The following ZFHX4 variants were observed in gnomAD, a reference collection of about 807,000 sequenced individuals.
ZFHX4 encodes zinc finger homeobox 4, also known as zinc finger homeobox protein 4.
Under a neutral mutation model 267.6 loss-of-function variants are expected in ZFHX4, and 56 were observed. The observed-to-expected ratio is 0.21, with a 90% confidence interval of 0.17 to 0.26. The LOEUF (loss-of-function observed/expected upper bound fraction) is 0.26. Among genes scored for constraint, ZFHX4 ranks in the 10% least tolerant of loss-of-function variants. The pLI is 1.00. For synonymous variants in ZFHX4, 1,778 were observed against 1,665.6 expected (o/e 1.07, Z -1.64); for missense variants, 4,332 against 4,420.0 (o/e 0.98, Z 0.56).
rs773060721 is a variant in ZFHX4 at position 76,851,195 on chromosome 8, C to G, written c.4274C>G (p.Thr1425Arg). 1.9e-6 allele frequency: 3 copies of G among 1,613,796 alleles called. No homozygotes were observed. Among genetic ancestry groups the G allele is most frequent in the Admixed American group, 3.3e-5 (2 of 59,994 alleles). Reference sequence around the variant, plus strand: ...CAGTATCATGCAATTCGGGCTGCGACAATGTGTAACCTCTGCCAGCGCAGT... The same window carrying G: ...CAGTATCATGCAATTCGGGCTGCGAGAATGTGTAACCTCTGCCAGCGCAGT... ...HSQYHAIRAA[T>R]MCNLCQRSFR... Residue 1425 changes from threonine (T) to arginine (R), a missense_variant, in exon 10 of 11, where the codon ACA (threonine) becomes AGA (arginine). By Grantham distance (71) the Thr-to-Arg change is moderately conservative. Coordinates refer to ENST00000651372, the MANE Select transcript of ZFHX4 (RefSeq NM_024721.5).
intron 3 of ZFHX4, among the ~76,000 whole-genome samples, chr8:76,725,279 T>C (rs1423806881): frequency 1.3e-5 from 2 of 152,148 alleles, no homozygotes; most frequent in Non-Finnish European, 2.9e-5. Flanking sequence ...CTGGAAAAGT[T>C]ATCGTATTTA....
intron 4 of ZFHX4, among the ~76,000 whole-genome samples, chr8:76,822,460 T>G (rs1811676839): frequency 6.8e-6 from 1 of 147,840 alleles, no homozygotes; most frequent in African/African-American, 2.5e-5. Context: ...CTCTTTTTTT[T>G]TTTTTTTTTT....
rs192915346 is a variant in ZFHX4, at chr8:76,794,925, T to G, written c.3325+16486T>G. Among the ~76,000 whole-genome samples the G allele has an allele frequency of 5.3e-5, 8 of 151,268 alleles. No homozygotes were observed. In the East Asian group the frequency reaches 1.6e-3, roughly 30 times the overall value. ...TGTGTGTGTGTGGACAAATCAAGCCTCTTCTCAGTTGAAGTCCATCTCAGT... is the reference window on the plus strand; with the variant it reads ...TGTGTGTGTGTGGACAAATCAAGCCGCTTCTCAGTTGAAGTCCATCTCAGT... On this transcript the variant is annotated intron_variant, in intron 4 of 10. Coordinates refer to ENST00000651372, the MANE Select transcript of ZFHX4 (RefSeq NM_024721.5).
In ZFHX4 at chr8:76,851,657, C is replaced by T. The variant is rs1812526040; in HGVS notation, c.4736C>T (p.Pro1579Leu). 6.2e-7 allele frequency: 1 copy of T among 1,613,886 alleles called. No homozygotes were observed. The highest frequency in any genetic ancestry group is 8.5e-7 in the Non-Finnish European group (1 of 1,179,848). Residue 1579 changes from proline (P) to leucine (L), a missense_variant, in exon 10 of 11, where the codon CCT becomes CTT. Pro to Leu is a moderately conservative substitution (Grantham distance 98). Coordinates refer to ENST00000651372, the MANE Select transcript of ZFHX4 (RefSeq NM_024721.5). ...AAAGTTTTGCAGGAAGCCTCCAGTCCTGTCCCACAAGAAACCAACAGCAAC... is the reference window on the plus strand; with the variant it reads ...AAAGTTTTGCAGGAAGCCTCCAGTCTTGTCCCACAAGAAACCAACAGCAAC... ...LKKVLQEASS[P>L]VPQETNSNTD...
At chr8:76,779,012 A>C (rs1183924433) in intron 4 of ZFHX4, among the ~76,000 whole-genome samples, 2 of 152,194 alleles carry the variant, frequency 1.3e-5, no homozygotes, top group Non-Finnish European at 2.9e-5. Flanking sequence ...CACGTTTTGA[A>C]TGGCATTCCA....
At chr8:76,832,570 C>T (rs1811964218) in intron 4 of ZFHX4, among the ~76,000 whole-genome samples, 3 of 152,044 alleles carry the variant, frequency 2.0e-5, no homozygotes, top group Admixed American at 2.0e-4. Context: ...GAGAAGAAGA[C>T]AGAGGGAATA....
intron 4 of ZFHX4, among the ~76,000 whole-genome samples, chr8:76,793,920 A>C (rs760945801): frequency 2.6e-5 from 4 of 152,140 alleles, no homozygotes; most frequent in Admixed American, 6.5e-5. Context: ...AGCTCTTTAA[A>C]AGTCAGTGTT....
At chr8:76,817,982 TG>T (rs1358543216) in intron 4 of ZFHX4, among the ~76,000 whole-genome samples, 1 of 152,180 alleles carries the variant, frequency 6.6e-6, no homozygotes, top group East Asian at 1.9e-4. Flanking sequence ...GCATTTGGCC[TG>T]GGGCTGTGAG....
intron 3 of ZFHX4, among the ~76,000 whole-genome samples, chr8:76,770,578 C>T (rs762966522): frequency 4.6e-5 from 7 of 152,096 alleles, no homozygotes; most frequent in Non-Finnish European, 8.8e-5. Flanking sequence ...AGTCCATGCA[C>T]TCAGGAAGCC....
At chr8:76,685,183 T>C (rs753788749) in intron 1 of ZFHX4, among the ~76,000 whole-genome samples, 1 of 152,224 alleles carries the variant, frequency 6.6e-6, no homozygotes, top group Non-Finnish European at 1.5e-5. Flanking sequence ...GATTCAGACA[T>C]GTTCAGCAGT....
Position 76,717,642 on chromosome 8 carries a change from G to C in ZFHX4, c.3093+9594G>C, listed in dbSNP as rs1321504264. Among the ~76,000 whole-genome samples the C allele has an allele frequency of 2.0e-5, 3 of 152,120 alleles. No individual in the cohort carries two copies. In the East Asian group the frequency reaches 5.8e-4, roughly 29 times the overall value. ...GATAGGGTCTTGCTCTGTCACCCAG[G>C]CTAGAGTTCAGTGGCGTGATCACTG... On this transcript the variant is annotated intron_variant, in intron 3 of 10. Coordinates refer to ENST00000651372, the MANE Select transcript of ZFHX4 (RefSeq NM_024721.5).
chr8:76,760,467 T>C (rs554890997), intron 3 of ZFHX4, among the ~76,000 whole-genome samples: 1 of 152,264 alleles, frequency 6.6e-6, no homozygotes, highest in Admixed American at 6.5e-5. Context: ...TAGAGACAAA[T>C]ACTTAAAATC....
intron 1 of ZFHX4, among the ~76,000 whole-genome samples, chr8:76,687,015 A>C (rs910099008): frequency 6.6e-6 from 1 of 152,244 alleles, no homozygotes; most frequent in Non-Finnish European, 1.5e-5. Context: ...GGGAAAGTGC[A>C]TGTGAATATG....
chr8:76,736,288 G>A (rs1809158676), intron 3 of ZFHX4, among the ~76,000 whole-genome samples: 1 of 151,214 alleles, frequency 6.6e-6, no homozygotes, highest in Non-Finnish European at 1.5e-5. Context: ...GAAAAAAAAC[G>A]AGATAAACTT....
rs774649743 is a variant in ZFHX4 at position 76,867,240 on chromosome 8, G to C, written c.*2675G>C. The C allele has an allele frequency of 6.6e-6, 1 of 152,574 alleles. No individual in the cohort carries two copies. Among genetic ancestry groups the C allele is most frequent in the African/African-American group, 2.4e-5 (1 of 41,450 alleles). The allele number at this position is 152,574 out of a possible 1,614,324, so 9.5% of individuals were successfully genotyped here. On this transcript the variant is annotated 3_prime_UTR_variant, in exon 11 of 11. Transcript: ENST00000651372. ...CTTCTGGAAATAGTTCATCAAGTATGTTTGTTGCTCATTGTGATACATTAA... is the reference window on the plus strand; with the variant it reads ...CTTCTGGAAATAGTTCATCAAGTATCTTTGTTGCTCATTGTGATACATTAA...
intron 3 of ZFHX4, among the ~76,000 whole-genome samples, chr8:76,728,715 A>C (rs952718980): frequency 3.9e-5 from 6 of 152,206 alleles, no homozygotes; most frequent in Admixed American, 6.5e-5. Context: ...CACAGGTTTG[A>C]AATAGGTTAT....
At chr8:76,753,944 A>AG (rs1262302711) in intron 3 of ZFHX4, among the ~76,000 whole-genome samples, 2 of 132 alleles carry the variant, frequency 0.015, no homozygotes, top group South Asian at 0.33. Flanking sequence ...TTTTATATGC[A>AG]AAAAAATTAT....
At chr8:76,809,035 C>A (rs1811312815) in intron 4 of ZFHX4, among the ~76,000 whole-genome samples, 1 of 151,872 alleles carries the variant, frequency 6.6e-6, no homozygotes, top group South Asian at 2.1e-4. Context: ...GCACCTTAAT[C>A]TTTCATTTAC....
chr8:76,793,721 C>T (rs1173681298), intron 4 of ZFHX4, among the ~76,000 whole-genome samples: 3 of 152,122 alleles, frequency 2.0e-5, no homozygotes, highest in Non-Finnish European at 4.4e-5. Context: ...AGAGGTTGGT[C>T]TGTAGTTTCA....
Sources: gnomAD v4.1 joint callset for allele counts (sites outside exome capture counted in the v4.1 genomes callset) on GRCh38, gnomAD v4.1.1 for gene constraint, MANE v1.5 for transcripts, NCBI Gene and HGNC (gene_info 2026-07-23, HGNC 2026-07-21) for gene names.